The following GPM6B variants were observed in gnomAD, a reference collection of about 807,000 sequenced individuals.
GPM6B encodes the protein neuronal membrane glycoprotein M6-b.
GPM6B carries 4 observed loss-of-function variants against 27.2 expected under a neutral mutation model. That is an observed-to-expected ratio of 0.15 (90% CI 0.07 to 0.34). The LOEUF (loss-of-function observed/expected upper bound fraction) is 0.34, where lower values mean the gene tolerates loss of function less well. GPM6B is among the 10% of genes least tolerant of loss of function. GPM6B has a pLI of 1.00. For missense variants in GPM6B, 183 were observed against 261.9 expected (o/e 0.70, Z 2.08); for synonymous variants, 124 against 103.1 (o/e 1.20, Z -1.23).
At chrX:13,806,868 T>G (rs779158017) in intron 2 of GPM6B, among the ~76,000 whole-genome samples, 1 of 112,237 alleles carries the variant, frequency 8.9e-6, no homozygotes, top group Admixed American at 9.4e-5. Flanking sequence ...TTATGTAGTT[T>G]GAACTATGGT....
intron 1 of GPM6B, among the ~76,000 whole-genome samples, chrX:13,873,827 T>C (rs1354353687): frequency 8.9e-6 from 1 of 112,123 alleles, no homozygotes; most frequent in African/African-American, 3.2e-5. Flanking sequence ...ACATTTATAT[T>C]TAAAAATGTA....
intron 1 of GPM6B, among the ~76,000 whole-genome samples, chrX:13,897,226 A>G (rs2050241928): frequency 8.9e-6 from 1 of 111,942 alleles, no homozygotes; most frequent in Non-Finnish European, 1.9e-5. Context: ...AACCACCTTA[A>G]TTGACCCAAC....
chrX:13,872,910 G>GC (rs2049995033), intron 1 of GPM6B, among the ~76,000 whole-genome samples: 1 of 110,981 alleles, frequency 9.0e-6, no homozygotes, highest in Admixed American at 9.6e-5. Flanking sequence ...GAGAGGGAGT[G>GC]CCCCCTTCCA....
intron 1 of GPM6B, among the ~76,000 whole-genome samples, chrX:13,879,140 A>G (rs1187625938): frequency 1.8e-5 from 2 of 112,363 alleles, no homozygotes; most frequent in African/African-American, 6.5e-5. Flanking sequence ...ACAGTAGAAC[A>G]TCCTTGGCTT....
chrX:13,896,395 C>T (rs773756276), intron 1 of GPM6B, among the ~76,000 whole-genome samples: 3 of 108,303 alleles, frequency 2.8e-5, no homozygotes, highest in South Asian at 8.5e-4. Flanking sequence ...TGCACAGAGA[C>T]GAAAAACAGA....
intron 2 of GPM6B, among the ~76,000 whole-genome samples, chrX:13,786,132 G>T (rs2048608369): frequency 8.9e-6 from 1 of 112,486 alleles, no homozygotes; most frequent in Non-Finnish European, 1.9e-5. Flanking sequence ...TGAGTGGTGG[G>T]GGGAGCCCCG....
intron 1 of GPM6B, among the ~76,000 whole-genome samples, chrX:13,864,291 C>G (rs563258671): frequency 8.9e-6 from 1 of 112,836 alleles, no homozygotes; most frequent in African/African-American, 3.2e-5. Context: ...AAAGTAGAGT[C>G]GCTGATTCTG....
chrX:13,824,486 C>T (rs563104199), intron 1 of GPM6B, among the ~76,000 whole-genome samples: 2 of 111,928 alleles, frequency 1.8e-5, no homozygotes, highest in South Asian at 7.5e-4. Context: ...ATGCAGCCAA[C>T]TGCTGGAGGC....
At chrX:13,799,275 C>T in intron 2 of GPM6B, among the ~76,000 whole-genome samples, 1 of 87,052 alleles carries the variant, frequency 1.1e-5, no homozygotes, top group Non-Finnish European at 2.1e-5. Flanking sequence ...TGCAGTGGCA[C>T]AATCTCTGCT....
At chrX:13,806,885 C>G (rs768369168) in intron 2 of GPM6B, among the ~76,000 whole-genome samples, 2 of 112,135 alleles carry the variant, frequency 1.8e-5, no homozygotes, top group Non-Finnish European at 3.8e-5. Flanking sequence ...TGGTTGTACA[C>G]TGGCAAAATC....
Position 13,777,392 on chromosome X carries a change from A to C in GPM6B, c.731T>G (p.Ile244Arg). ...GATGTTCTCCAGGGCAGAGCCACATATTTTTCCGGGGAAAGCATTCCAAGG... is the reference window on the plus strand; with the variant it reads ...GATGTTCTCCAGGGCAGAGCCACATCTTTTTCCGGGGAAAGCATTCCAAGG... ...IIPWNAFPGK[I>R]CGSALENICN... The change falls in exon 6 of 8, where the codon ATA (isoleucine) becomes AGA (arginine). Residue 244 changes from isoleucine (I) to arginine (R), a missense_variant. Ile to Arg is a moderately conservative substitution (Grantham distance 97). Transcript: ENST00000316715. The C allele has an allele frequency of 8.3e-7, 1 of 1,205,698 alleles. No homozygotes were observed. Among genetic ancestry groups the C allele is most frequent in the Non-Finnish European group, 1.1e-6 (1 of 890,081 alleles).
chrX:13,842,742 T>C (rs991170444), intron 1 of GPM6B, among the ~76,000 whole-genome samples: 1 of 110,072 alleles, frequency 9.1e-6, no homozygotes, highest in Non-Finnish European at 1.9e-5. Context: ...AGAAAAAAAA[T>C]TTTTTAAAAG....
Position 13,779,874 on chromosome X carries a change from G to A in GPM6B, c.641C>T (p.Pro214Leu), listed in dbSNP as rs200352293. 2.8e-5 allele frequency: 34 copies of A among 1,197,963 alleles called. No individual in the cohort carries two copies. The highest frequency in any genetic ancestry group is 1.8e-4 in the South Asian group (10 of 55,384). ...IWSTCEVIKS[P>L]QTNGTTGVEQ... ...CACACCCGTGGTCCCGTTGGTCTGC[G>A]GTGACTTGATGACTTCACAAGTTGA... is the stretch of plus-strand genomic sequence containing the variant. The change falls in exon 5 of 8, where the codon CCG becomes CTG. Residue 214 changes from proline (P) to leucine (L), a missense_variant. By Grantham distance (98) the Pro-to-Leu change is moderately conservative. Coordinates refer to ENST00000316715, the MANE Select transcript of GPM6B (RefSeq NM_001001995.3).
chrX:13,779,696 C>T, intron 5 of GPM6B, 122 bp downstream of exon 5: 4 of 581,577 alleles, frequency 6.9e-6, no homozygotes, highest in Middle Eastern at 1.2e-3. Context: ...TAAAATTACT[C>T]TAATAGAAGG....
intron 1 of GPM6B, among the ~76,000 whole-genome samples, chrX:13,858,027 T>C (rs780363048): frequency 6.2e-5 from 7 of 112,626 alleles, no homozygotes; most frequent in East Asian, 5.6e-4. Context: ...ACTGCATGCA[T>C]TGACCATCAA....
At chrX:13,898,118 G>C (rs1035938489) in intron 1 of GPM6B, among the ~76,000 whole-genome samples, 1 of 111,242 alleles carries the variant, frequency 9.0e-6, no homozygotes, top group Non-Finnish European at 1.9e-5. Context: ...TTTACTGGGA[G>C]TAAGTGTGTG....
intron 2 of GPM6B, among the ~76,000 whole-genome samples, chrX:13,786,606 C>T (rs756043017): frequency 9.1e-6 from 1 of 110,244 alleles, no homozygotes; most frequent in African/African-American, 3.3e-5. Context: ...CCGACACACA[C>T]GTTCAGAGTC....
intron 1 of GPM6B, among the ~76,000 whole-genome samples, chrX:13,842,447 C>G (rs1378194792): frequency 2.7e-5 from 3 of 111,687 alleles, no homozygotes; most frequent in Admixed American, 9.5e-5. Flanking sequence ...CATAGAAACA[C>G]TAAGTAGTTC....
At chrX:13,773,811 A>ATCTT (rs1202617856) in intron 7 of GPM6B, 1 of 186,211 alleles carries the variant, frequency 5.4e-6, no homozygotes, top group Non-Finnish European at 8.2e-6. Flanking sequence ...TCCCGTTAAA[A>ATCTT]TCTTACATGC....
Sources: gnomAD v4.1 joint callset for allele counts (sites outside exome capture counted in the v4.1 genomes callset) on GRCh38, gnomAD v4.1.1 for gene constraint, MANE v1.5 for transcripts, NCBI Gene and HGNC (gene_info 2026-07-23, HGNC 2026-07-21) for gene names.